The following GPR158 variants were observed in gnomAD, a reference collection of about 807,000 sequenced individuals.
GPR158 encodes G protein-coupled receptor 158, also known as metabotropic glycine receptor.
A neutral mutation model predicts 78.2 loss-of-function variants in GPR158; 30 were observed. That is an observed-to-expected ratio of 0.38 (90% CI 0.29 to 0.52). The LOEUF (loss-of-function observed/expected upper bound fraction) is 0.52, where lower values mean the gene tolerates loss of function less well. Ranked by LOEUF, GPR158 falls within the 20% of genes least tolerant of loss-of-function variation. The pLI is 0.83. For synonymous variants in GPR158, 581 were observed against 591.1 expected (o/e 0.98, Z 0.25); for missense variants, 1,463 against 1,523.5 (o/e 0.96, Z 0.66).
At chr10:25,329,343 G>A (rs1387899630) in intron 2 of GPR158, among the ~76,000 whole-genome samples, 1 of 151,964 alleles carries the variant, frequency 6.6e-6, no homozygotes, top group African/African-American at 2.4e-5. Flanking sequence ...AGGAGGCTGA[G>A]GCAGGAGAAT....
At chr10:25,219,929 G>T (rs1241588665) in intron 1 of GPR158, among the ~76,000 whole-genome samples, 2 of 152,034 alleles carry the variant, frequency 1.3e-5, no homozygotes, top group African/African-American at 2.4e-5. Context: ...TTTAAATTTG[G>T]TTTTTGTCGG....
At chr10:25,324,215 A>G (rs1487121970) in intron 2 of GPR158, among the ~76,000 whole-genome samples, 3 of 152,238 alleles carry the variant, frequency 2.0e-5, no homozygotes, top group Non-Finnish European at 4.4e-5. Flanking sequence ...CCTGGCTTTC[A>G]GCCTATCTTG....
chr10:25,437,723 A>G (rs1835016397), intron 4 of GPR158, among the ~76,000 whole-genome samples: 3 of 152,198 alleles, frequency 2.0e-5, no homozygotes, highest in Admixed American at 2.0e-4. Flanking sequence ...GTGTCTTCTC[A>G]GAGGTACATA....
At chr10:25,187,118 T>A (rs1266099374) in intron 1 of GPR158, among the ~76,000 whole-genome samples, 2 of 151,890 alleles carry the variant, frequency 1.3e-5, no homozygotes, top group Non-Finnish European at 2.9e-5. Context: ...GCGCCCGCCA[T>A]CACGCCCGGC....
chr10:25,488,065 G>C (rs182931756), intron 5 of GPR158, among the ~76,000 whole-genome samples: 1 of 152,132 alleles, frequency 6.6e-6, no homozygotes, highest in Non-Finnish European at 1.5e-5. Context: ...GCTTTAAAAG[G>C]CTAAATTTTT....
intron 2 of GPR158, among the ~76,000 whole-genome samples, chr10:25,333,614 G>GGAGAATGA (rs1467347012): frequency 6.6e-6 from 1 of 151,994 alleles, no homozygotes; most frequent in Non-Finnish European, 1.5e-5. Context: ...AATGGAAAAG[G>GGAGAATGA]GAGAATGAAT....
At chr10:25,430,597 C>A (rs1436330037) in intron 4 of GPR158, among the ~76,000 whole-genome samples, 1 of 151,128 alleles carries the variant, frequency 6.6e-6, no homozygotes, top group Non-Finnish European at 1.5e-5. Context: ...CATCATGCTA[C>A]CTAACTTCAA....
In GPR158 at chr10:25,345,148, A is replaced by G. The variant is rs139340622; in HGVS notation, c.1009-50763A>G. On this transcript the variant is annotated intron_variant, in intron 2 of 10. Transcript: ENST00000376351. ...ACTAAGGACAGATTCCATCTGCTCTATATTGCCTAGCAGAACATCTAATCC... is the reference window on the plus strand; with the variant it reads ...ACTAAGGACAGATTCCATCTGCTCTGTATTGCCTAGCAGAACATCTAATCC... Among the ~76,000 whole-genome samples, 737 of 152,120 alleles carry G rather than the reference A, an allele frequency of 4.8e-3. 21 individuals carry two copies. Among genetic ancestry groups the G allele is most frequent in the Admixed American group, 0.043 (654 of 15,258 alleles).
intron 7 of GPR158, among the ~76,000 whole-genome samples, chr10:25,585,066 G>A (rs1035219432): frequency 6.6e-6 from 1 of 152,238 alleles, no homozygotes; most frequent in Admixed American, 6.5e-5. Context: ...GGCTGTCTAT[G>A]ATTGGCTGAA....
chr10:25,189,037 T>G (rs1163212920), intron 1 of GPR158, among the ~76,000 whole-genome samples: 3 of 152,192 alleles, frequency 2.0e-5, no homozygotes, highest in African/African-American at 7.2e-5. Flanking sequence ...GAAAAAATGT[T>G]CATCATCACT....
At chr10:25,480,930 C>T (rs369615791) in intron 5 of GPR158, among the ~76,000 whole-genome samples, 1 of 152,144 alleles carries the variant, frequency 6.6e-6, no homozygotes, top group African/African-American at 2.4e-5. Context: ...CTGGAAGACA[C>T]CTTCGTGGCT....
At chr10:25,392,953 G>C (rs926991531) in intron 2 of GPR158, among the ~76,000 whole-genome samples, 6 of 152,020 alleles carry the variant, frequency 3.9e-5, no homozygotes, top group African/African-American at 1.4e-4. Flanking sequence ...TGCTTTTATT[G>C]ATTTTAATTG....
chr10:25,524,987 T>C (rs900283868), intron 5 of GPR158, among the ~76,000 whole-genome samples: 2 of 152,152 alleles, frequency 1.3e-5, no homozygotes, highest in Non-Finnish European at 2.9e-5. Flanking sequence ...CTGGAGAATA[T>C]ATACAGATAG....
chr10:25,433,531 G>GGTGT (rs1554803584), intron 4 of GPR158, among the ~76,000 whole-genome samples: 5,611 of 139,738 alleles, frequency 0.04, 245 homozygotes, highest in African/African-American at 0.1. Context: ...TTTAGTTAGG[G>GGTGT]GTGTGTGTGT....
At chr10:25,208,691 G>A (rs1853084548) in intron 1 of GPR158, among the ~76,000 whole-genome samples, 1 of 151,676 alleles carries the variant, frequency 6.6e-6, no homozygotes. Context: ...GACATTTCCC[G>A]ACCACATGGT....
chr10:25,228,927 C>T (rs1165004886), intron 2 of GPR158, among the ~76,000 whole-genome samples: 9 of 150,970 alleles, frequency 6.0e-5, no homozygotes, highest in South Asian at 2.1e-4. Context: ...CCCAGCTACT[C>T]GGGAGGCTGA....
At chr10:25,440,275 C>T (rs947045774) in intron 4 of GPR158, among the ~76,000 whole-genome samples, 15 of 152,154 alleles carry the variant, frequency 9.9e-5, no homozygotes, top group East Asian at 5.8e-4. Flanking sequence ...CAGACTGAGC[C>T]GAGCTCTACT....
chr10:25,407,870 G>T (rs887585497), intron 3 of GPR158, among the ~76,000 whole-genome samples: 2 of 152,042 alleles, frequency 1.3e-5, no homozygotes, highest in South Asian at 4.1e-4. Context: ...TACAACCAAA[G>T]CAATCCTTTA....
At chr10:25,433,547 T>TTGTG (rs1554803583) in intron 4 of GPR158, among the ~76,000 whole-genome samples, 3,294 of 96,464 alleles carry the variant, frequency 0.034, 133 homozygotes, top group African/African-American at 0.07. Flanking sequence ...TGTGTGTGTG[T>TTGTG]TGTGTGTGTG....
Sources: gnomAD v4.1 joint callset for allele counts (sites outside exome capture counted in the v4.1 genomes callset) on GRCh38, gnomAD v4.1.1 for gene constraint, MANE v1.5 for transcripts, NCBI Gene and HGNC (gene_info 2026-07-23, HGNC 2026-07-21) for gene names.